The following SEPTIN14 variants were observed in gnomAD, a reference collection of about 807,000 sequenced individuals.
The protein encoded by SEPTIN14 is septin 14.
A neutral mutation model predicts 53.6 loss-of-function variants in SEPTIN14; 40 were observed. The ratio of observed to expected loss-of-function variants is 0.75; its 90% CI spans 0.58 to 0.97. The LOEUF is 0.97. Among genes scored for constraint, SEPTIN14 ranks in the 50% least tolerant of loss-of-function variants. The probability of loss-of-function intolerance (pLI) is 0.00; values close to 1 mark genes in which losing one functional copy is unlikely to be tolerated. For missense variants in SEPTIN14, 471 were observed against 508.2 expected (o/e 0.93, Z 0.70); for synonymous variants, 138 against 166.8 (o/e 0.83, Z 1.33).
intron 6 of SEPTIN14, among the ~76,000 whole-genome samples, chr7:55,822,758 T>C (rs914340534): frequency 8.7e-5 from 13 of 149,042 alleles, no homozygotes; most frequent in Non-Finnish European, 1.5e-5. Context: ...AATTGGATCA[T>C]AGGCCTAAAT....
intron 7 of SEPTIN14, among the ~76,000 whole-genome samples, chr7:55,815,338 A>T (rs1477786763): frequency 6.6e-6 from 1 of 152,174 alleles, no homozygotes; most frequent in Non-Finnish European, 1.5e-5. Flanking sequence ...AAGAAACAAT[A>T]CACACAATGA....
At chr7:55,819,383 A>C (rs1788853059) in intron 6 of SEPTIN14, among the ~76,000 whole-genome samples, 160 bp from the exon 7 acceptor site, 1 of 152,100 alleles carries the variant, frequency 6.6e-6, no homozygotes, top group African/African-American at 2.4e-5. Flanking sequence ...AGGTCAGGAG[A>C]TCGAGACCAT....
rs1425951105 is a variant in SEPTIN14, at chr7:55,819,243, T to A, written c.721-20A>T. On this transcript the variant is annotated intron_variant, in intron 6 of 9. Coordinates refer to ENST00000388975, the MANE Select transcript of SEPTIN14 (RefSeq NM_207366.3). ...CAGCCCCTAGAAAACAAGAATGACATGAATTGAATTCTCTAGCACCATTAG... is the reference window on the plus strand; with the variant it reads ...CAGCCCCTAGAAAACAAGAATGACAAGAATTGAATTCTCTAGCACCATTAG... 1.4e-6 allele frequency: 2 copies of A among 1,430,028 alleles called. No homozygotes were observed. Among genetic ancestry groups the A allele is most frequent in the Non-Finnish European group, 1.9e-6 (2 of 1,042,158 alleles). 88.6% of individuals were successfully genotyped at this position (1,430,028 alleles called of 1,614,324 possible). A position where few individuals can be genotyped will look rare whatever the true frequency, so the allele number is the denominator to read the frequency against.
At chr7:55,843,413 A>G (rs1789349248) in intron 4 of SEPTIN14, among the ~76,000 whole-genome samples, 1 of 152,236 alleles carries the variant, frequency 6.6e-6, no homozygotes, top group South Asian at 2.1e-4. Context: ...AACAACAACA[A>G]GAAGAACAAA....
chr7:55,834,910 G>T (rs1182669617), intron 5 of SEPTIN14, among the ~76,000 whole-genome samples: 1 of 152,192 alleles, frequency 6.6e-6, no homozygotes. Flanking sequence ...CTCCCAAAGT[G>T]CTGGGATTAC....
chr7:55,843,201 G>A, intron 4 of SEPTIN14, 73 bp from the exon 5 acceptor site: 1 of 864,508 alleles, frequency 1.2e-6, no homozygotes, highest in East Asian at 2.7e-5. Context: ...CACTTAATGA[G>A]CAGTTAACAT....
At chr7:55,836,924 C>T (rs915213834) in intron 5 of SEPTIN14, among the ~76,000 whole-genome samples, 5 of 151,984 alleles carry the variant, frequency 3.3e-5, no homozygotes, top group African/African-American at 9.7e-5. Flanking sequence ...TGAGATTCCT[C>T]GGATAAAAGG....
chr7:55,826,563 T>C (rs1181246319), intron 6 of SEPTIN14, among the ~76,000 whole-genome samples: 1 of 152,142 alleles, frequency 6.6e-6, no homozygotes, highest in East Asian at 1.9e-4. Context: ...TTTGGGAGGC[T>C]GAGGCAGGCA....
chr7:55,860,645 C>A (rs1789727975), intron 2 of SEPTIN14, among the ~76,000 whole-genome samples: 1 of 151,924 alleles, frequency 6.6e-6, no homozygotes. Context: ...TCACATGTAC[C>A]CCATCAATAT....
chr7:55,818,371 C>CT (rs1444967727), intron 7 of SEPTIN14, among the ~76,000 whole-genome samples: 1 of 145,764 alleles, frequency 6.9e-6, no homozygotes, highest in Admixed American at 7.0e-5. Context: ...ACTCGGAAGG[C>CT]TTAGGCAGGA....
At chr7:55,826,997 C>G (rs1789000160) in intron 6 of SEPTIN14, among the ~76,000 whole-genome samples, 1 of 152,098 alleles carries the variant, frequency 6.6e-6, no homozygotes, top group Non-Finnish European at 1.5e-5. Context: ...GGCCAGCCTG[C>G]CCCTCTCTAT....
intron 6 of SEPTIN14, among the ~76,000 whole-genome samples, chr7:55,823,784 T>C (rs1167365096): frequency 6.6e-6 from 1 of 152,202 alleles, no homozygotes; most frequent in Non-Finnish European, 1.5e-5. Context: ...CTTTGTTTGT[T>C]TGCAGTCAGC....
At chr7:55,857,957 T>A (rs1466870534) in intron 2 of SEPTIN14, among the ~76,000 whole-genome samples, 1 of 152,072 alleles carries the variant, frequency 6.6e-6, no homozygotes, top group Non-Finnish European at 1.5e-5. Flanking sequence ...TGAACTCAAC[T>A]AGACATTCAG....
chr7:55,802,565 T>A (rs1217974254), intron 9 of SEPTIN14, among the ~76,000 whole-genome samples: 1 of 151,788 alleles, frequency 6.6e-6, no homozygotes, highest in East Asian at 1.9e-4. Flanking sequence ...AAAAATTAGA[T>A]CTTTATCTCA....
chr7:55,836,795 A>G (rs1244941016), intron 5 of SEPTIN14, among the ~76,000 whole-genome samples: 1 of 152,128 alleles, frequency 6.6e-6, no homozygotes, highest in Non-Finnish European at 1.5e-5. Context: ...AGGTACTACT[A>G]ATTAAGAACT....
At chr7:55,858,541 A>C (rs1253097384) in intron 2 of SEPTIN14, among the ~76,000 whole-genome samples, 1 of 152,182 alleles carries the variant, frequency 6.6e-6, no homozygotes, top group African/African-American at 2.4e-5. Context: ...GCAGTGGCTC[A>C]TGCCTGTAAT....
chr7:55,839,337 C>T (rs1488789677), intron 5 of SEPTIN14, among the ~76,000 whole-genome samples: 2 of 147,852 alleles, frequency 1.4e-5, no homozygotes, highest in Non-Finnish European at 3.0e-5. Context: ...TGCAGTGAGC[C>T]GAGATTGTGC....
chr7:55,807,258 AC>A lies in SEPTIN14; in HGVS notation c.818-1del, dbSNP rs778500107. 28 of 1,565,730 alleles carry A rather than the reference AC, an allele frequency of 1.8e-5. No homozygotes were observed. The Admixed American group carries it at 5.7e-4, about 32-fold the overall frequency. On this transcript the variant is annotated splice_acceptor_variant, in intron 7 of 9. Coordinates refer to ENST00000388975, the MANE Select transcript of SEPTIN14 (RefSeq NM_207366.3). LOFTEE classifies it high-confidence loss of function. The stretch of plus-strand genomic sequence containing the variant: ...GAAGTCACAGTGATTTTCATTTTCC[AC>A]TAGTAAAAAAATAATAATGAATCAA...
At chr7:55,842,415 G>C (rs966045693) in intron 5 of SEPTIN14, among the ~76,000 whole-genome samples, 3 of 151,920 alleles carry the variant, frequency 2.0e-5, no homozygotes, top group Admixed American at 6.6e-5. Flanking sequence ...AGTTCAGCCT[G>C]GGCAACATAG....
Sources: gnomAD v4.1 joint callset for allele counts (sites outside exome capture counted in the v4.1 genomes callset) on GRCh38, gnomAD v4.1.1 for gene constraint, MANE v1.5 for transcripts, NCBI Gene and HGNC (gene_info 2026-07-23, HGNC 2026-07-21) for gene names.